The following AMZ1 variants were observed in gnomAD, a reference collection of about 807,000 sequenced individuals.
AMZ1 encodes archaemetzincin-1.
In AMZ1, 39 loss-of-function variants were observed where a neutral mutation model predicts 29.9. The ratio of observed to expected loss-of-function variants is 1.30; its 90% confidence interval spans 1.01 to 1.70. The LOEUF is 1.70. Among genes scored for constraint, AMZ1 ranks in the 40% most tolerant of loss-of-function variants. The probability of loss-of-function intolerance (pLI) is 0.00; values close to 1 mark genes in which losing one functional copy is unlikely to be tolerated. For synonymous variants in AMZ1, 458 were observed against 304.0 expected (o/e 1.51, Z -5.27); for missense variants, 1,041 against 680.6 (o/e 1.53, Z -5.89).
At chr7:2,708,891 G>A (rs974782885) in intron 4 of AMZ1, among the ~76,000 whole-genome samples, 175 bp downstream of exon 4, 3 of 152,210 alleles carry the variant, frequency 2.0e-5, no homozygotes, top group African/African-American at 7.2e-5. Flanking sequence ...TGGCATAGGG[G>A]CTGTTCCTCA....
In AMZ1 at chr7:2,700,362, A is replaced by C; in HGVS notation, c.-90A>C. On this transcript the variant is annotated 5_prime_UTR_variant, in exon 2 of 7. Coordinates refer to ENST00000683327, the MANE Select transcript of AMZ1 (RefSeq NM_001384743.1). ...GTAGCCACTCGGATCAGCCCGAGGGAAGATTCTGGACGAGACCGTGGCCGT... is the reference window on the plus strand; with the variant it reads ...GTAGCCACTCGGATCAGCCCGAGGGCAGATTCTGGACGAGACCGTGGCCGT... 1 of 1,457,638 alleles carries C rather than the reference A, an allele frequency of 6.9e-7. No homozygotes were observed. Among genetic ancestry groups the C allele is most frequent in the South Asian group, 1.3e-5 (1 of 77,394 alleles). The allele number at this position is 1,457,638 out of a possible 1,614,324, so 90.3% of individuals were successfully genotyped here. A position where few individuals can be genotyped will look rare whatever the true frequency, so the allele number is the denominator to read the frequency against.
chr7:2,731,475 C>G lies in AMZ1; in HGVS notation n.550+21659C>G. 2 of 1,613,872 alleles carry G rather than the reference C, an allele frequency of 1.2e-6. No individual in the cohort carries two copies. Among genetic ancestry groups the G allele is most frequent in the Non-Finnish European group, 1.7e-6 (2 of 1,179,896 alleles). The stretch of plus-strand genomic sequence containing the variant: ...GAATGATGGAGACGTTGAAGAAGAG[C>G]TTGTTGTTGACGATGGTCTCGAAGA... On this transcript the variant is annotated intron_variant and non_coding_transcript_variant, in intron 4 of 4. Transcript: ENST00000489665. This position sits in a 1 kb window ranked among gnomAD's most constrained non-coding sequence, Gnocchi z 6.0.
chr7:2,734,488 C>T lies in AMZ1; in HGVS notation n.550+24672C>T, dbSNP rs980368175. 1.2e-4 allele frequency among the ~76,000 whole-genome samples: 19 copies of T among 152,162 alleles called. 1 individual carries two copies. Among genetic ancestry groups the T allele is most frequent in the Non-Finnish European group, 2.6e-4 (18 of 68,032 alleles). On this transcript the variant is annotated intron_variant and non_coding_transcript_variant, in intron 4 of 4. Transcript: ENST00000489665. ...CAGGGGCAAGGTCATACACATGTGG[C>T]GAGCTGACGCAGGAGAATTTTAAGG... is the stretch of plus-strand genomic sequence containing the variant.
At chr7:2,703,958 G>C (rs798466) in intron 3 of AMZ1, among the ~76,000 whole-genome samples, 7 of 152,082 alleles carry the variant, frequency 4.6e-5, no homozygotes, top group African/African-American at 1.7e-4. Flanking sequence ...GTGCAATCTC[G>C]GCTCATGGCA....
chr7:2,709,338 T>G (rs1248806411), intron 5 of AMZ1, 94 bp downstream of exon 5: 18 of 1,254,974 alleles, frequency 1.4e-5, no homozygotes, highest in Non-Finnish European at 1.8e-5. Flanking sequence ...ATCCTCACAG[T>G]GAAGTGGATG....
At chr7:2,733,555 T>G in intron 4 of AMZ1, 1 of 1,408,902 alleles carries the variant, frequency 7.1e-7, no homozygotes, top group Non-Finnish European at 1.0e-6. Flanking sequence ...AATCCTGATG[T>G]GGCAAATACA....
intron 1 of AMZ1, among the ~76,000 whole-genome samples, chr7:2,693,262 A>G (rs1787513574): frequency 6.6e-6 from 1 of 151,000 alleles, no homozygotes; most frequent in African/African-American, 2.4e-5. Flanking sequence ...CTAATATTGT[A>G]TTTTTAGGAG....
rs1323643829 is a variant in AMZ1, at chr7:2,716,330, G to C, written c.*3452G>C. 3.3e-5 allele frequency: 5 copies of C among 152,180 alleles called. No homozygotes were observed. Among genetic ancestry groups the C allele is most frequent in the Non-Finnish European group, 7.3e-5 (5 of 68,058 alleles). 9.4% of individuals were successfully genotyped at this position (152,180 alleles called of 1,614,324 possible). On this transcript the variant is annotated 3_prime_UTR_variant, in exon 7 of 7. Transcript: ENST00000683327. Reference sequence around the variant, plus strand: ...AAAGCCCAAACTCATTGTCAGAGTGGGGAGAGGGGAGAAGCAGCATCCTGA... The same window carrying C: ...AAAGCCCAAACTCATTGTCAGAGTGCGGAGAGGGGAGAAGCAGCATCCTGA...
At chr7:2,761,322 G>T (rs1367367934), upstream of AMZ1, among the ~76,000 whole-genome samples, 5 of 152,210 alleles carry the variant, frequency 3.3e-5, no homozygotes, top group Admixed American at 1.3e-4. Flanking sequence ...AGAGCCGTCT[G>T]CTGGCTATGC....
intron 3 of AMZ1, among the ~76,000 whole-genome samples, chr7:2,708,038 G>GTC (rs1447513448): frequency 6.6e-6 from 1 of 151,982 alleles, no homozygotes; most frequent in East Asian, 1.9e-4. Context: ...GGCCAGGCTG[G>GTC]TCTCGAACTC....
At chr7:2,720,570 A>G (rs1160783586), downstream of AMZ1, among the ~76,000 whole-genome samples, 1 of 151,894 alleles carries the variant, frequency 6.6e-6, no homozygotes, top group Non-Finnish European at 1.5e-5. Flanking sequence ...AGCCTGGCTA[A>G]TTTTTGTATT....
rs1789030319 is a variant in AMZ1, at chr7:2,714,919, G to C, written c.*2041G>C. On this transcript the variant is annotated 3_prime_UTR_variant, in exon 7 of 7. Coordinates refer to ENST00000683327, the MANE Select transcript of AMZ1 (RefSeq NM_001384743.1). Reference sequence around the variant, plus strand: ...GGAAAATGCAAAGGGACAAGTATGTGTTGATTTCAGAGAAGCTCAGATGTA... The same window carrying C: ...GGAAAATGCAAAGGGACAAGTATGTCTTGATTTCAGAGAAGCTCAGATGTA... The C allele has an allele frequency of 1.3e-5, 2 of 152,300 alleles. No individual in the cohort carries two copies. The highest frequency in any genetic ancestry group is 4.8e-5 in the African/African-American group (2 of 41,448). The allele number at this position is 152,300 out of a possible 1,614,324, so 9.4% of individuals were successfully genotyped here.
rs1447552007 is a variant in AMZ1 at position 2,699,227 on chromosome 7, C to G, written c.-218-1007C>G. Among the ~76,000 whole-genome samples, 6 of 152,318 alleles carry G rather than the reference C, an allele frequency of 3.9e-5. No homozygotes were observed. In the East Asian group the frequency reaches 1.2e-3, roughly 29 times the overall value. ...CAGAGACATAAATGTAGCCCGGAAC[C>G]AAGTGTGCGGTGACGACTCTCAGGC... On this transcript the variant is annotated intron_variant, in intron 1 of 6. Coordinates refer to ENST00000683327, the MANE Select transcript of AMZ1 (RefSeq NM_001384743.1).
At chr7:2,691,307 G>C (rs1015552123) in intron 1 of AMZ1, among the ~76,000 whole-genome samples, 3 of 147,762 alleles carry the variant, frequency 2.0e-5, no homozygotes, top group Admixed American at 2.0e-4. Context: ...TGGAGTCAGG[G>C]GTCTCTGTGC....
intron 4 of AMZ1, among the ~76,000 whole-genome samples, chr7:2,740,785 C>T (rs1790459197): frequency 6.6e-6 from 1 of 152,194 alleles, no homozygotes; most frequent in South Asian, 2.1e-4. Context: ...TGACTCATGC[C>T]TATAATCCCA....
intron 2 of AMZ1, 134 bp from the exon 3 acceptor site, chr7:2,702,588 G>T (rs34150094): frequency 0.14 from 138,995 of 1,001,592 alleles, 10,671 homozygotes; most frequent in South Asian, 0.15. Context: ...TAAGCCTGAC[G>T]CTCTGCTTGC....
chr7:2,720,519 T>C (rs1444200267), downstream of AMZ1, among the ~76,000 whole-genome samples: 2 of 152,066 alleles, frequency 1.3e-5, no homozygotes, highest in African/African-American at 4.8e-5. Flanking sequence ...TTCTCCTGTC[T>C]CAGCCTCCCA....
downstream of AMZ1, among the ~76,000 whole-genome samples, chr7:2,723,132 AGAAG>A (rs984348898): frequency 5.5e-5 from 5 of 90,712 alleles, no homozygotes; most frequent in Admixed American, 2.5e-4. Flanking sequence ...ATTTTATAAA[AGAAG>A]AAAAAAAAAT....
intron 4 of AMZ1, among the ~76,000 whole-genome samples, chr7:2,759,502 T>C (rs1428965443): frequency 2.0e-5 from 3 of 152,174 alleles, no homozygotes; most frequent in South Asian, 2.1e-4. Context: ...TGTTTAGGAA[T>C]AGGTGGTAAA....
Sources: allele counts gnomAD v4.1 joint callset (sites outside exome capture counted in the v4.1 genomes callset), GRCh38; gene constraint gnomAD v4.1.1; non-coding constraint Gnocchi (gnomAD v3.1); transcripts MANE v1.5; gene names NCBI Gene and HGNC (gene_info 2026-07-23, HGNC 2026-07-21).